RBFOX1: variants seen among roughly 807,000 people sequenced by gnomAD.
The protein encoded by RBFOX1 is RNA binding fox-1 homolog 1, also known as RNA binding protein fox-1 homolog 1.
A neutral mutation model predicts 57.7 loss-of-function variants in RBFOX1; 8 were observed. The ratio of observed to expected loss-of-function variants is 0.14; its 90% CI spans 0.08 to 0.25. The LOEUF is 0.25. Ranked by LOEUF, RBFOX1 falls within the 10% of genes least tolerant of loss-of-function variation. RBFOX1 has a pLI of 1.00. For missense variants in RBFOX1, 611 were observed against 548.5 expected (o/e 1.11, Z -1.14); for synonymous variants, 326 against 222.4 (o/e 1.47, Z -4.15).
chr16:7,114,913 T>A (rs2151665780), intron 4 of RBFOX1, among the ~76,000 whole-genome samples: 1 of 152,252 alleles, frequency 6.6e-6, no homozygotes, highest in East Asian at 1.9e-4. Context: ...TTTGGAAAAT[T>A]GTCTGGGAAG....
intron 4 of RBFOX1, among the ~76,000 whole-genome samples, chr16:7,225,395 C>G (rs969823257): frequency 3.9e-5 from 6 of 152,214 alleles, no homozygotes; most frequent in African/African-American, 7.2e-5. Context: ...AGGGGTTTCC[C>G]TCTACGGTTG....
chr16:7,129,911 G>A (rs2069757666), intron 4 of RBFOX1, among the ~76,000 whole-genome samples: 1 of 152,078 alleles, frequency 6.6e-6, no homozygotes, highest in African/African-American at 2.4e-5. Context: ...TAGATGATAA[G>A]TGGAACCCTG....
intron 1 of RBFOX1, among the ~76,000 whole-genome samples, chr16:6,251,090 G>C (rs931593673): frequency 3.3e-5 from 5 of 152,126 alleles, no homozygotes; most frequent in African/African-American, 1.2e-4. Flanking sequence ...AGCTTGTCAT[G>C]ATATAGCCAT....
At chr16:6,335,519 C>G (rs1438698283) in intron 2 of RBFOX1, among the ~76,000 whole-genome samples, 1 of 151,910 alleles carries the variant, frequency 6.6e-6, no homozygotes, top group African/African-American at 2.4e-5. Flanking sequence ...GTGGTTCACG[C>G]CTGTAATCCC....
At chr16:6,917,726 C>T (rs2073535004) in intron 3 of RBFOX1, among the ~76,000 whole-genome samples, 1 of 152,298 alleles carries the variant, frequency 6.6e-6, no homozygotes, top group East Asian at 1.9e-4. Flanking sequence ...CGATGGGAAC[C>T]TCGGCATTCC....
At position 6,323,652 on chromosome 16, in the gene RBFOX1, G is replaced by C. The variant is rs1451366613; in HGVS notation, c.-64+6595G>C. Among the ~76,000 whole-genome samples, 3 of 152,132 alleles carry C rather than the reference G, an allele frequency of 2.0e-5. No individual in the cohort carries two copies. The East Asian group carries it at 5.8e-4, about 29-fold the overall frequency. On this transcript the variant is annotated intron_variant, in intron 2 of 15. Transcript: ENST00000550418. The stretch of plus-strand genomic sequence containing the variant: ...ATTAAGGGAGCAATGCTTGTGAATT[G>C]ACCACACAGCTGTCTTTTGAAAACA...
At chr16:6,465,157 C>T (rs771063079) in intron 2 of RBFOX1, among the ~76,000 whole-genome samples, 4 of 152,070 alleles carry the variant, frequency 2.6e-5, no homozygotes, top group African/African-American at 7.2e-5. Flanking sequence ...TGTTTCTGTG[C>T]GATCAGGTTT....
chr16:7,517,402 A>T (rs1372066826), intron 4 of RBFOX1, among the ~76,000 whole-genome samples: 1 of 152,106 alleles, frequency 6.6e-6, no homozygotes, highest in Non-Finnish European at 1.5e-5. Context: ...GGCATTGACT[A>T]ATGAGACTGA....
At chr16:7,231,720 T>C (rs1026730867) in intron 4 of RBFOX1, among the ~76,000 whole-genome samples, 5 of 152,096 alleles carry the variant, frequency 3.3e-5, no homozygotes, top group Non-Finnish European at 7.4e-5. Context: ...CATTGAGCCA[T>C]AAAAAGGAAG....
chr16:7,482,027 T>C (rs2064083783), intron 4 of RBFOX1, among the ~76,000 whole-genome samples: 1 of 152,232 alleles, frequency 6.6e-6, no homozygotes, highest in Non-Finnish European at 1.5e-5. Context: ...CGAAAAGTCT[T>C]GAGTCGGGGC....
chr16:6,587,172 C>G (rs1488347336), intron 2 of RBFOX1, among the ~76,000 whole-genome samples: 1 of 152,110 alleles, frequency 6.6e-6, no homozygotes, highest in Non-Finnish European at 1.5e-5. Context: ...TGACTAATGT[C>G]TCCCCAGCTC....
chr16:6,096,718 C>G (rs2096249128), intron 1 of RBFOX1, among the ~76,000 whole-genome samples: 1 of 152,182 alleles, frequency 6.6e-6, no homozygotes, highest in Non-Finnish European at 1.5e-5. Context: ...TGGTTACCAT[C>G]ATTGTCACTA....
intron 3 of RBFOX1, among the ~76,000 whole-genome samples, chr16:6,893,737 G>C (rs72770629): frequency 8.3e-4 from 127 of 152,282 alleles, no homozygotes; most frequent in Non-Finnish European, 1.4e-3. Flanking sequence ...ATTTTCATTT[G>C]CATTTATCAT....
intron 2 of RBFOX1, among the ~76,000 whole-genome samples, chr16:5,529,793 C>T (rs921153192): frequency 6.6e-6 from 1 of 152,066 alleles, no homozygotes; most frequent in Non-Finnish European, 1.5e-5. Context: ...TTCTCGAACT[C>T]CTGACCTCAA....
chr16:6,021,718 A>C (rs749134998), intron 1 of RBFOX1, among the ~76,000 whole-genome samples: 33 of 152,358 alleles, frequency 2.2e-4, no homozygotes, highest in Admixed American at 9.8e-4. Flanking sequence ...TCAGAAGAGC[A>C]CAGGGCTTCT....
intron 3 of RBFOX1, among the ~76,000 whole-genome samples, chr16:6,845,150 TTC>T (rs75676727): frequency 0.69 from 104,379 of 151,740 alleles, 36,237 homozygotes; most frequent in East Asian, 0.88. Flanking sequence ...CTCTGGTAGT[TTC>T]TTTTTCTGCA....
At chr16:5,729,183 G>T (rs766530832) in intron 3 of RBFOX1, among the ~76,000 whole-genome samples, 2 of 152,152 alleles carry the variant, frequency 1.3e-5, no homozygotes, top group Non-Finnish European at 2.9e-5. Context: ...GTCTTTGGGC[G>T]AGGGGCTTAG....
chr16:6,010,271 C>T (rs562174160), intron 4 of RBFOX1, among the ~76,000 whole-genome samples: 3 of 152,178 alleles, frequency 2.0e-5, no homozygotes, highest in Non-Finnish European at 4.4e-5. Context: ...ATTAACACCT[C>T]CCCTCCCCAG....
intron 3 of RBFOX1, among the ~76,000 whole-genome samples, chr16:6,934,059 C>T (rs1446033481): frequency 6.6e-6 from 1 of 152,166 alleles, no homozygotes; most frequent in African/African-American, 2.4e-5. Flanking sequence ...TCCGAGAGGC[C>T]TTGAGGGTAG....
Sources: allele counts gnomAD v4.1 joint callset (sites outside exome capture counted in the v4.1 genomes callset), GRCh38; gene constraint gnomAD v4.1.1; transcripts MANE v1.5; gene names NCBI Gene and HGNC (gene_info 2026-07-23, HGNC 2026-07-21).